Variants in FNIP1 observed in about 807,000 individuals in gnomAD.
FNIP1 encodes folliculin-interacting protein 1.
A neutral mutation model predicts 124.5 loss-of-function variants in FNIP1; 40 were observed. That is an observed-to-expected ratio of 0.32 (90% CI 0.25 to 0.42). The LOEUF is 0.42. FNIP1 is among the 10% of genes least tolerant of loss of function. The pLI is 1.00. For missense variants in FNIP1, 1,176 were observed against 1,403.7 expected (o/e 0.84, Z 2.59); for synonymous variants, 472 against 470.6 (o/e 1.00, Z -0.04).
intron 8 of FNIP1, among the ~76,000 whole-genome samples, chr5:131,707,180 C>T (rs1561666114): frequency 6.6e-6 from 1 of 152,194 alleles, no homozygotes; most frequent in Non-Finnish European, 1.5e-5. Flanking sequence ...TCCCGAAACA[C>T]TTCTGTGAAA....
At chr5:131,696,451 A>C (rs928498005) in intron 11 of FNIP1, among the ~76,000 whole-genome samples, 1 of 152,152 alleles carries the variant, frequency 6.6e-6, no homozygotes, top group Non-Finnish European at 1.5e-5. Flanking sequence ...ACTAAAAAAA[A>C]CCCACACTGA....
intron 1 of FNIP1, among the ~76,000 whole-genome samples, chr5:131,795,141 CAA>C (rs1772540736): frequency 6.6e-6 from 1 of 152,096 alleles, no homozygotes; most frequent in Non-Finnish European, 1.5e-5. Context: ...CTCACATGCA[CAA>C]GTTTTATTTT....
intron 3 of FNIP1, among the ~76,000 whole-genome samples, chr5:131,724,802 T>C (rs1396584055): frequency 2.0e-5 from 3 of 152,240 alleles, no homozygotes; most frequent in East Asian, 1.9e-4. Context: ...TGGTATTGCA[T>C]AGGTTTTCTT....
chr5:131,687,977 C>T (rs1355104180), intron 11 of FNIP1, among the ~76,000 whole-genome samples: 1 of 152,038 alleles, frequency 6.6e-6, no homozygotes, highest in Non-Finnish European at 1.5e-5. Flanking sequence ...ACTATTTTAC[C>T]AGAGCCTTAT....
chr5:131,794,640 T>G (rs750023904), intron 1 of FNIP1, among the ~76,000 whole-genome samples: 3 of 152,022 alleles, frequency 2.0e-5, no homozygotes, highest in African/African-American at 7.2e-5. Flanking sequence ...AGTGATAAAA[T>G]TGAAGGAACT....
chr5:131,680,244 G>A (rs932293874), intron 11 of FNIP1, among the ~76,000 whole-genome samples: 2 of 152,158 alleles, frequency 1.3e-5, no homozygotes, highest in African/African-American at 4.8e-5. Flanking sequence ...ACCAACCTCA[G>A]TATCACTGTC....
At chr5:131,699,638 C>T (rs1424377443) in intron 10 of FNIP1, among the ~76,000 whole-genome samples, 2 of 151,862 alleles carry the variant, frequency 1.3e-5, no homozygotes, top group African/African-American at 2.4e-5. Context: ...GTGATCCACC[C>T]ACCTCAGCCT....
chr5:131,692,087 G>A (rs2149525532), intron 11 of FNIP1, among the ~76,000 whole-genome samples: 1 of 152,224 alleles, frequency 6.6e-6, no homozygotes, highest in South Asian at 2.1e-4. Flanking sequence ...TATACATGTG[G>A]AAAGGAAATA....
chr5:131,680,645 G>T (rs1768049704), intron 11 of FNIP1, among the ~76,000 whole-genome samples: 1 of 152,154 alleles, frequency 6.6e-6, no homozygotes, highest in East Asian at 1.9e-4. Flanking sequence ...AACCAGCTGG[G>T]TGTGGTGGCT....
intron 12 of FNIP1, among the ~76,000 whole-genome samples, chr5:131,678,268 CTCTG>C (rs1168024074): frequency 6.6e-6 from 1 of 152,194 alleles, no homozygotes; most frequent in Admixed American, 6.5e-5. Flanking sequence ...ATTAAGCAAA[CTCTG>C]TCTATCATCA....
At chr5:131,665,635 C>T (rs1426095741) in intron 15 of FNIP1, among the ~76,000 whole-genome samples, 2 of 146,800 alleles carry the variant, frequency 1.4e-5, no homozygotes, top group Non-Finnish European at 3.0e-5. Context: ...TGTCACCTGG[C>T]CTGGAGTGCA....
At chr5:131,763,326 C>CACAT (rs1402698907) in intron 1 of FNIP1, among the ~76,000 whole-genome samples, 1 of 143,386 alleles carries the variant, frequency 7.0e-6, no homozygotes, top group Non-Finnish European at 1.5e-5. Flanking sequence ...CACACACACA[C>CACAT]GACTACAATG....
chr5:131,688,982 G>A (rs562971410), intron 11 of FNIP1, among the ~76,000 whole-genome samples: 10 of 151,826 alleles, frequency 6.6e-5, no homozygotes, highest in African/African-American at 2.2e-4. Flanking sequence ...ATAGACGCAG[G>A]AGGCTCACAG....
chr5:131,719,267 A>G (rs1049875295), intron 4 of FNIP1, 50 bp downstream of exon 4: 101 of 1,543,908 alleles, frequency 6.5e-5, no homozygotes, highest in Non-Finnish European at 8.5e-5. Context: ...TAAAAAAACG[A>G]AAATATCTAA....
chr5:131,768,032 T>C (rs1771498075), intron 1 of FNIP1, among the ~76,000 whole-genome samples: 1 of 152,184 alleles, frequency 6.6e-6, no homozygotes, highest in Admixed American at 6.5e-5. Context: ...GATAGTCAGC[T>C]GCTTGGCCAT....
At chr5:131,694,005 T>C (rs956148585) in intron 11 of FNIP1, among the ~76,000 whole-genome samples, 9 of 152,048 alleles carry the variant, frequency 5.9e-5, no homozygotes, top group African/African-American at 2.2e-4. Context: ...GAACTTCAAA[T>C]TAAAACAATA....
chr5:131,697,616 A>G (rs1768745338), intron 11 of FNIP1, among the ~76,000 whole-genome samples: 2 of 152,132 alleles, frequency 1.3e-5, no homozygotes, highest in Admixed American at 1.3e-4. Flanking sequence ...TAAATTTGGC[A>G]AAATTGTTAA....
intron 3 of FNIP1, 61 bp downstream of exon 3, chr5:131,730,843 T>G (rs1441650440): frequency 2.1e-6 from 3 of 1,405,086 alleles, no homozygotes; most frequent in Non-Finnish European, 2.9e-6. Flanking sequence ...CACAGTCCAC[T>G]GGATGATGTT....
At chr5:131,735,203 G>C (rs566732941) in intron 2 of FNIP1, among the ~76,000 whole-genome samples, 7 of 151,360 alleles carry the variant, frequency 4.6e-5, no homozygotes, top group Non-Finnish European at 8.8e-5. Context: ...GCAAACTATC[G>C]CAAGGACAAA....
Sources: allele counts gnomAD v4.1 joint callset (sites outside exome capture counted in the v4.1 genomes callset), GRCh38; gene constraint gnomAD v4.1.1; transcripts MANE v1.5; gene names NCBI Gene and HGNC (gene_info 2026-07-23, HGNC 2026-07-21).